The following PMS1 variants were observed in gnomAD, a reference collection of about 807,000 sequenced individuals.
PMS1 encodes PMS1 protein homolog 1.
Under a neutral mutation model 93.1 loss-of-function variants are expected in PMS1, and 79 were observed. The observed-to-expected ratio is 0.85, with a 90% CI of 0.71 to 1.02. The LOEUF (loss-of-function observed/expected upper bound fraction) is 1.02. PMS1 is among the 50% of genes least tolerant of loss of function. The pLI is 0.00. For missense variants in PMS1, 1,064 were observed against 1,085.3 expected, an observed-to-expected ratio of 0.98 and a Z score of 0.28; for synonymous variants, 335 against 363.4, an observed-to-expected ratio of 0.92 and a Z score of 0.89.
At chr2:189,828,362 G>T (rs2052633131) in intron 5 of PMS1, among the ~76,000 whole-genome samples, 1 of 152,086 alleles carries the variant, frequency 6.6e-6, no homozygotes, top group African/African-American at 2.4e-5. Context: ...GAAATGATAG[G>T]GTAATTGCCC....
At chr2:189,851,970 C>T (rs1418264599) in intron 6 of PMS1, among the ~76,000 whole-genome samples, 7 of 152,170 alleles carry the variant, frequency 4.6e-5, no homozygotes, top group Non-Finnish European at 8.8e-5. Context: ...CAATATCTTT[C>T]TCTTCTCTCT....
At position 189,818,092 on chromosome 2, in the gene PMS1, G is replaced by A. The variant is rs1280868635; in HGVS notation, c.494G>A (p.Cys165Tyr). 6.2e-7 allele frequency: 1 copy of A among 1,605,394 alleles called. No homozygotes were observed. Among genetic ancestry groups the A allele is most frequent in the African/African-American group, 1.3e-5 (1 of 74,666 alleles). Residue 165 changes from cysteine (C) to tyrosine (Y), a missense_variant, in exon 5 of 13, where the codon TGT becomes TAT. By Grantham distance (194) the Cys-to-Tyr change is radical. Coordinates refer to ENST00000441310, the MANE Select transcript of PMS1 (RefSeq NM_000534.5). ...RKQFYSTAKK[C>Y]KDEIKKIQDL... ...CAGTTTTACTCAACTGCAAAAAAAT[G>A]TAAAGATGAAATAAAAAAGATCCAA...
At chr2:189,809,834 A>G (rs1246913760) in intron 4 of PMS1, among the ~76,000 whole-genome samples, 1 of 152,226 alleles carries the variant, frequency 6.6e-6, no homozygotes, top group Non-Finnish European at 1.5e-5. Context: ...CTCCATCTCA[A>G]AATAATGATA....
intron 4 of PMS1, among the ~76,000 whole-genome samples, chr2:189,809,447 CTTTTTTTT>C (rs972672920): frequency 2.0e-4 from 13 of 63,452 alleles, no homozygotes; most frequent in East Asian, 4.4e-4. Context: ...AAGCACATTT[CTTTTTTTT>C]TTTTTTTTTT....
At chr2:189,787,726 A>G (rs927007452) in intron 1 of PMS1, among the ~76,000 whole-genome samples, 1 of 152,122 alleles carries the variant, frequency 6.6e-6, no homozygotes, top group Non-Finnish European at 1.5e-5. Flanking sequence ...AAATCACGCT[A>G]CTTTGGTTTT....
intron 2 of PMS1, among the ~76,000 whole-genome samples, chr2:189,792,906 T>C (rs1051065159): frequency 6.6e-6 from 1 of 151,782 alleles, no homozygotes; most frequent in Non-Finnish European, 1.5e-5. Context: ...CCCTCCCCGG[T>C]TCATGCAATT....
At chr2:189,807,331 T>C (rs944322304) in intron 4 of PMS1, among the ~76,000 whole-genome samples, 2 of 152,116 alleles carry the variant, frequency 1.3e-5, no homozygotes, top group Non-Finnish European at 2.9e-5. Context: ...ATATTATATA[T>C]GTTTTAATTA....
chr2:189,844,126 G>A (rs1435253249), intron 6 of PMS1, 46 bp downstream of exon 6: 1 of 1,609,706 alleles, frequency 6.2e-7, no homozygotes, highest in South Asian at 1.1e-5. Context: ...TACTCATGAA[G>A]CTGTTCACAT....
At chr2:189,866,089 A>G (rs905718256) in intron 10 of PMS1, among the ~76,000 whole-genome samples, 1 of 152,204 alleles carries the variant, frequency 6.6e-6, no homozygotes, top group Admixed American at 6.5e-5. Context: ...CAGAGGAACA[A>G]TTAGAAAATA....
At position 189,864,067 on chromosome 2, in the gene PMS1, C is replaced by G. The variant is rs2056318616; in HGVS notation, c.2181C>G (p.Ile727Met). 2 of 1,613,334 alleles carry G rather than the reference C, an allele frequency of 1.2e-6. No homozygotes were observed. The highest frequency in any genetic ancestry group is 1.7e-6 in the Non-Finnish European group (2 of 1,179,486). Residue 727 changes from isoleucine (I) to methionine (M), a missense_variant, in exon 10 of 13, where the codon ATC becomes ATG. Physicochemically the swap from Ile to Met is conservative, Grantham distance 10. Transcript: ENST00000441310. Reference sequence around the variant, plus strand: ...AAGAGAAGGATGAACCTTGCTTGATCCACAATCTCAGGTTTCCTGATGCAT... The same window carrying G: ...AAGAGAAGGATGAACCTTGCTTGATGCACAATCTCAGGTTTCCTGATGCAT... Reference protein sequence around the residue: ...DLEEKDEPCLIHNLRFPDAWL... With the variant: ...DLEEKDEPCLMHNLRFPDAWL...
chr2:189,842,204 A>T (rs921593767), intron 5 of PMS1, among the ~76,000 whole-genome samples: 2 of 151,906 alleles, frequency 1.3e-5, no homozygotes, highest in African/African-American at 2.4e-5. Flanking sequence ...CTCACTCAAC[A>T]TTGGAAACAT....
rs1424547395 is a variant in PMS1, at chr2:189,854,280, T to C, written c.1008T>C (p.Cys336=). The C allele has an allele frequency of 6.3e-7, 1 of 1,599,846 alleles. No individual in the cohort carries two copies. Among genetic ancestry groups the C allele is most frequent in the Non-Finnish European group, 8.5e-7 (1 of 1,174,486 alleles). The change falls in exon 9 of 13, where the codon TGT becomes TGC. Residue 336 remains cysteine, a synonymous_variant. Transcript: ENST00000441310. ...CTCTTGAAAATCTGATGACGACTTG[T>C]TATGGACCATTACCTAGTACAAATT... ...LIALENLMTT[C]YGPLPSTNSY...
At chr2:189,828,607 G>A (rs757594820) in intron 5 of PMS1, among the ~76,000 whole-genome samples, 1 of 152,104 alleles carries the variant, frequency 6.6e-6, no homozygotes, top group Non-Finnish European at 1.5e-5. Context: ...CAGTGTCACA[G>A]TGGTAAAATT....
At chr2:189,814,935 A>T (rs1363343612) in intron 4 of PMS1, among the ~76,000 whole-genome samples, 1 of 151,842 alleles carries the variant, frequency 6.6e-6, no homozygotes, top group Non-Finnish European at 1.5e-5. Context: ...GTCTCTACCA[A>T]AAAAATACAA....
Position 189,852,791 on chromosome 2 carries a change from GAA to G in PMS1, c.822+23_822+24del. On this transcript the variant is annotated intron_variant, in intron 7 of 12. Transcript: ENST00000441310. ...GATATCTTAAAGGTAGTATGCTTTA[GAA>G]AAAAAAAATTATTTGAATTGGAAAT... The G allele has an allele frequency of 2.7e-6, 4 of 1,460,080 alleles. No individual in the cohort carries two copies. The highest frequency in any genetic ancestry group is 3.8e-6 in the Non-Finnish European group (4 of 1,061,474). 90.4% of individuals were successfully genotyped at this position (1,460,080 alleles called of 1,614,324 possible).
intron 9 of PMS1, among the ~76,000 whole-genome samples, chr2:189,858,703 G>T (rs990051411): frequency 1.3e-5 from 2 of 152,226 alleles, no homozygotes; most frequent in African/African-American, 2.4e-5. Context: ...CCTGTTGAAA[G>T]TAAACTATTG....
At chr2:189,809,512 C>CTTTTCCAT (rs975045175) in intron 4 of PMS1, among the ~76,000 whole-genome samples, 1 of 114,046 alleles carries the variant, frequency 8.8e-6, no homozygotes, top group African/African-American at 3.3e-5. Flanking sequence ...TCAGAAAAGA[C>CTTTTCCAT]TTTTCCATAA....
chr2:189,785,062 T>A (rs2048166205), intron 1 of PMS1, among the ~76,000 whole-genome samples: 1 of 152,202 alleles, frequency 6.6e-6, no homozygotes, highest in African/African-American at 2.4e-5. Flanking sequence ...TACCAAAAAT[T>A]GATCCTGAGG....
chr2:189,854,391 G>A lies in PMS1; in HGVS notation c.1119G>A (p.Val373=). 6.2e-7 allele frequency: 1 copy of A among 1,601,704 alleles called. No individual in the cohort carries two copies. Among genetic ancestry groups the A allele is most frequent in the East Asian group, 2.2e-5 (1 of 44,600 alleles). ...AAACAGATGTGCTTTTTAATAAAGTGGAATCATCTGGAAAGAATTATTCAA... is the reference window on the plus strand; with the variant it reads ...AAACAGATGTGCTTTTTAATAAAGTAGAATCATCTGGAAAGAATTATTCAA... ...TAETDVLFNK[V]ESSGKNYSNV... The change falls in exon 9 of 13, where the codon GTG becomes GTA. Residue 373 remains valine, a synonymous_variant. Coordinates refer to ENST00000441310, the MANE Select transcript of PMS1 (RefSeq NM_000534.5).
Sources: gnomAD v4.1 joint callset for allele counts (sites outside exome capture counted in the v4.1 genomes callset) on GRCh38, gnomAD v4.1.1 for gene constraint, MANE v1.5 for transcripts, NCBI Gene and HGNC (gene_info 2026-07-23, HGNC 2026-07-21) for gene names.